LRRC75A: variants seen among roughly 807,000 people sequenced by gnomAD.
The protein encoded by LRRC75A is leucine-rich repeat-containing protein 75A.
LRRC75A carries 12 observed loss-of-function variants against 26.0 expected under a neutral mutation model. That is an observed-to-expected ratio of 0.46 (90% confidence interval 0.30 to 0.75). The LOEUF is 0.75. LRRC75A is among the 30% of genes least tolerant of loss of function. The probability of loss-of-function intolerance (pLI) is 0.08; values close to 1 mark genes in which losing one functional copy is unlikely to be tolerated. For synonymous variants in LRRC75A, 223 were observed against 219.3 expected, an observed-to-expected ratio of 1.02 and a Z score of -0.15; for missense variants, 410 against 486.6, an observed-to-expected ratio of 0.84 and a Z score of 1.48.
At position 16,491,692 on chromosome 17, in the gene LRRC75A, C is replaced by T; in HGVS notation, c.246+53G>A. ...GTTAGGGATGGGGCGCCCCCCCCGG[C>T]CCAGCACGCCCCCTGGCCCGGCGCG... On this transcript the variant is annotated intron_variant, in intron 1 of 3. Coordinates refer to ENST00000470794, the MANE Select transcript of LRRC75A (RefSeq NM_001113567.3). This position sits in a 1 kb window ranked among gnomAD's most constrained non-coding sequence, Gnocchi z 5.9. 1 of 1,218,424 alleles carries T rather than the reference C, an allele frequency of 8.2e-7. No individual in the cohort carries two copies. The highest frequency in any genetic ancestry group is 1.0e-6 in the Non-Finnish European group (1 of 963,420). The allele number at this position is 1,218,424 out of a possible 1,614,324, so 75.5% of individuals were successfully genotyped here.
At chr17:16,481,441 C>T (rs965601318) in intron 1 of LRRC75A, among the ~76,000 whole-genome samples, 9 of 152,210 alleles carry the variant, frequency 5.9e-5, no homozygotes, top group Non-Finnish European at 8.8e-5. Flanking sequence ...CAGGAAGTAA[C>T]ATCCCTACGG....
intron 1 of LRRC75A, among the ~76,000 whole-genome samples, chr17:16,476,949 A>G (rs1008761087): frequency 4.0e-4 from 61 of 151,258 alleles, no homozygotes; most frequent in South Asian, 8.3e-4. Flanking sequence ...CGTGTTAGCC[A>G]GGATGGTCTC....
Position 16,442,162 on chromosome 17 carries a change from G to GACT in LRRC75A, c.*1425_*1426insAGT, listed in dbSNP as rs2093534030. ...CCCTATTCTACAGCTTTAGACTGAA[G>GACT]GCAAAAGCTCAAAGCATTTAAGGCC... On this transcript the variant is annotated 3_prime_UTR_variant, in exon 4 of 4. Transcript: ENST00000470794. The GACT allele has an allele frequency of 1.3e-5, 2 of 152,370 alleles. No individual in the cohort carries two copies. The highest frequency in any genetic ancestry group is 2.1e-4 in the South Asian group (1 of 4,822). The allele number at this position is 152,370 out of a possible 1,614,324, so 9.4% of individuals were successfully genotyped here. A position where few individuals can be genotyped will look rare whatever the true frequency, so the allele number is the denominator to read the frequency against.
In LRRC75A at chr17:16,462,941, G is replaced by C. The variant is rs1025599862; in HGVS notation, c.247-555C>G. 1 of 157,218 alleles carries C rather than the reference G, an allele frequency of 6.4e-6. No homozygotes were observed. The highest frequency in any genetic ancestry group is 1.9e-4 in the East Asian group (1 of 5,240). 9.7% of individuals were successfully genotyped at this position (157,218 alleles called of 1,614,324 possible). On this transcript the variant is annotated intron_variant, in intron 1 of 3. Transcript: ENST00000470794. This position sits in a 1 kb window ranked among gnomAD's most constrained non-coding sequence, Gnocchi z 4.6. ...AACCTCATCAGGACTCCCTCAGAAA[G>C]GTACTGAGTGGAATCTTCCCGATGG...
At position 16,443,801 on chromosome 17, in the gene LRRC75A, G is replaced by A. The variant is rs201570851; in HGVS notation, c.822C>T (p.Ile274=). ...TWIDLGNNVD[I]FSLPQPFLLS... ...GCAGGAAGGGCTGGGGCAAGGAGAA[G>A]ATGTCCACGTTGTTGCCCAGGTCAA... The change falls in exon 4 of 4, where the codon ATC becomes ATT. Residue 274 remains isoleucine (I), a synonymous_variant. Coordinates refer to ENST00000470794, the MANE Select transcript of LRRC75A (RefSeq NM_001113567.3). 77 of 1,613,978 alleles carry A rather than the reference G, an allele frequency of 4.8e-5. No homozygotes were observed. The highest frequency in any genetic ancestry group is 6.5e-5 in the Non-Finnish European group (77 of 1,179,816).
intron 2 of LRRC75A, among the ~76,000 whole-genome samples, chr17:16,454,317 A>G (rs1236500695): frequency 6.6e-6 from 1 of 152,066 alleles, no homozygotes; most frequent in African/African-American, 2.4e-5. Context: ...GCTTGAACCC[A>G]GGAGGTGGAG....
intron 3 of LRRC75A, among the ~76,000 whole-genome samples, chr17:16,447,274 G>A (rs1296333240): frequency 6.6e-6 from 1 of 152,050 alleles, no homozygotes; most frequent in Non-Finnish European, 1.5e-5. Context: ...ATGGACCAGG[G>A]ACAGGGCTGG....
intron 1 of LRRC75A, among the ~76,000 whole-genome samples, chr17:16,485,033 G>T (rs2093843139): frequency 1.3e-5 from 2 of 152,032 alleles, no homozygotes; most frequent in African/African-American, 4.8e-5. Context: ...GCCGGGTGGG[G>T]GTAGGGAGGA....
intron 1 of LRRC75A, among the ~76,000 whole-genome samples, chr17:16,476,953 T>C (rs1213703848): frequency 1.3e-5 from 2 of 151,254 alleles, no homozygotes; most frequent in South Asian, 2.1e-4. Flanking sequence ...TTAGCCAGGA[T>C]GGTCTCAATC....
In LRRC75A at chr17:16,442,472, C is replaced by T. The variant is rs562682274; in HGVS notation, c.*1116G>A. Reference sequence around the variant, plus strand: ...GGTTGCCTGTTATTTAGAAGAGATCCCTTAACTGGTAGGGCCCTTTCAGTA... The same window carrying T: ...GGTTGCCTGTTATTTAGAAGAGATCTCTTAACTGGTAGGGCCCTTTCAGTA... On this transcript the variant is annotated 3_prime_UTR_variant, in exon 4 of 4. Transcript: ENST00000470794. The T allele has an allele frequency of 6.6e-6, 1 of 152,312 alleles. No individual in the cohort carries two copies. The highest frequency in any genetic ancestry group is 6.5e-5 in the Admixed American group (1 of 15,292). 9.4% of individuals were successfully genotyped at this position (152,312 alleles called of 1,614,324 possible).
intron 1 of LRRC75A, among the ~76,000 whole-genome samples, chr17:16,473,299 CA>C: frequency 6.6e-6 from 1 of 152,104 alleles, no homozygotes; most frequent in Non-Finnish European, 1.5e-5. Flanking sequence ...TGGAAGACAC[CA>C]AAGCAAAGCA....
chr17:16,478,949 C>T (rs866811706), intron 1 of LRRC75A, among the ~76,000 whole-genome samples: 11 of 152,182 alleles, frequency 7.2e-5, no homozygotes, highest in Admixed American at 5.2e-4. Flanking sequence ...AGTTACTTAC[C>T]GGGGTGGGAG....
intron 1 of LRRC75A, among the ~76,000 whole-genome samples, chr17:16,489,710 C>T (rs1164596977): frequency 6.6e-6 from 1 of 152,248 alleles, no homozygotes; most frequent in Non-Finnish European, 1.5e-5. Context: ...CGGGAGGGGT[C>T]CTGCTCCATC....
At position 16,443,965 on chromosome 17, in the gene LRRC75A, G is replaced by A. The variant is rs200161355; in HGVS notation, c.658C>T (p.Leu220=). The A allele has an allele frequency of 2.5e-6, 4 of 1,613,538 alleles. No homozygotes were observed. In the South Asian group the frequency reaches 4.4e-5, roughly 18 times the overall value. Residue 220 remains leucine, a synonymous_variant, in exon 4 of 4, where the codon CTG becomes TTG. Transcript: ENST00000470794. The part of the protein sequence containing the change: ...GFTGLTDDMV[L]QLLPALSTLP... ...GTGCTGAGTGCTGGCAGCAGCTGCAGGACCATGTCGTCCGTGAGGCCTGTG... is the reference window on the plus strand; with the variant it reads ...GTGCTGAGTGCTGGCAGCAGCTGCAAGACCATGTCGTCCGTGAGGCCTGTG...
intron 1 of LRRC75A, among the ~76,000 whole-genome samples, chr17:16,473,148 TGTGC>T (rs1284791930): frequency 6.6e-6 from 1 of 151,498 alleles, no homozygotes; most frequent in Non-Finnish European, 1.5e-5. Context: ...TGTGTGTGTG[TGTGC>T]GCGCGCGCCC....
chr17:16,453,334 GCACACACGCACACGCACACA>G (rs1417101437), intron 2 of LRRC75A, among the ~76,000 whole-genome samples: 2 of 133,328 alleles, frequency 1.5e-5, no homozygotes, highest in African/African-American at 6.1e-5. Flanking sequence ...ACACGCACAC[GCACACACGCACACGCACACA>G]CACACACACG....
chr17:16,452,461 G>A (rs981428849), intron 2 of LRRC75A, among the ~76,000 whole-genome samples: 6 of 151,020 alleles, frequency 4.0e-5, no homozygotes, highest in African/African-American at 1.2e-4. Flanking sequence ...TGTTTGAGAT[G>A]GAGTCTCACT....
rs1016518215 is a variant in LRRC75A at position 16,449,703 on chromosome 17, G to A, written c.376-1743C>T. Among the ~76,000 whole-genome samples the A allele has an allele frequency of 7.2e-5, 11 of 152,278 alleles. No homozygotes were observed. In the East Asian group the frequency reaches 1.5e-3, roughly 21 times the overall value. The stretch of plus-strand genomic sequence containing the variant: ...ACGATCTCGGCTCACTGCAACCTCC[G>A]CCACCTGGGTTCGAGTGATTCTCCT... On this transcript the variant is annotated intron_variant, in intron 2 of 3. Transcript: ENST00000470794.
At chr17:16,444,297 A>T (rs1454694408) in intron 3 of LRRC75A, among the ~76,000 whole-genome samples, 166 bp from the exon 4 acceptor site, 1 of 152,222 alleles carries the variant, frequency 6.6e-6, no homozygotes, top group Non-Finnish European at 1.5e-5. Flanking sequence ...CAGGGACCTC[A>T]GTCCCCTGAC....
Sources: allele counts gnomAD v4.1 joint callset (sites outside exome capture counted in the v4.1 genomes callset), GRCh38; gene constraint gnomAD v4.1.1; non-coding constraint Gnocchi (gnomAD v3.1); transcripts MANE v1.5; gene names NCBI Gene and HGNC (gene_info 2026-07-23, HGNC 2026-07-21).